SLC44A2: variants seen among roughly 807,000 people sequenced by gnomAD.
SLC44A2 encodes solute carrier family 44 member 2 (CTL2 blood group), also known as choline transporter-like protein 2.
A neutral mutation model predicts 90.8 loss-of-function variants in SLC44A2; 57 were observed. The observed-to-expected ratio is 0.63, with a 90% CI of 0.51 to 0.78. The LOEUF (loss-of-function observed/expected upper bound fraction) is 0.78, where lower values mean the gene tolerates loss of function less well. Ranked by LOEUF, SLC44A2 falls within the 30% of genes least tolerant of loss-of-function variation. The pLI, the probability that SLC44A2 is intolerant of heterozygous loss-of-function variation, is 0.00. For synonymous variants in SLC44A2, 355 were observed against 360.7 expected (o/e 0.98, Z 0.18); for missense variants, 794 against 919.7 (o/e 0.86, Z 1.77).
chr19:10,623,217 C>T (rs544261623), upstream of SLC44A2, among the ~76,000 whole-genome samples: 1 of 152,018 alleles, frequency 6.6e-6, no homozygotes, highest in Non-Finnish European at 1.5e-5. Flanking sequence ...GTCTGGGTCA[C>T]CCCAGGGCAT....
upstream of SLC44A2, among the ~76,000 whole-genome samples, chr19:10,624,501 C>T (rs1949866011): frequency 6.6e-6 from 1 of 152,134 alleles, no homozygotes; most frequent in Admixed American, 6.6e-5. Flanking sequence ...AGGGGTTTCA[C>T]CATGTTGGCC....
chr19:10,602,521 C>G (rs1206289815), exon 1 of SLC44A2: 1 of 1,273,798 alleles, frequency 7.9e-7, no homozygotes. Flanking sequence ...CTCCCCGCCC[C>G]GCCGCGGCCA....
rs116267796 is a variant in SLC44A2, at chr19:10,636,496, C to T, written c.1407C>T (p.Ala469=). 26 of 1,612,688 alleles carry T rather than the reference C, an allele frequency of 1.6e-5. No homozygotes were observed. In the East Asian group the frequency reaches 5.1e-4, roughly 32 times the overall value. ...FVLALGQVTL[A]GAFASYYWAL... is the part of the protein sequence containing the mutation. ...TGGCGCTGGGCCAGGTCACGCTGGC[C>T]GGGGCCTTTGCCTCCTACTACTGGG... The change falls in exon 15 of 22, where the codon GCC becomes GCT. Residue 469 remains alanine, a synonymous_variant. Coordinates refer to ENST00000335757, the MANE Select transcript of SLC44A2 (RefSeq NM_020428.4).
At chr19:10,625,407 C>G (rs1464870181), upstream of SLC44A2, 4 of 1,152,196 alleles carry the variant, frequency 3.5e-6, no homozygotes, top group East Asian at 1.4e-4. Flanking sequence ...TGCGGCCGGC[C>G]GGTGAGTGGC....
upstream of SLC44A2, among the ~76,000 whole-genome samples, chr19:10,624,735 G>A (rs2066916638): frequency 6.6e-6 from 1 of 152,202 alleles, no homozygotes; most frequent in African/African-American, 2.4e-5. Flanking sequence ...AATTCAGGGC[G>A]ACCCAGGAGG....
rs374437361 is a variant in SLC44A2 at position 10,616,557 on chromosome 19, T to C, written c.32-9696T>C. Among the ~76,000 whole-genome samples, 7 of 151,960 alleles carry C rather than the reference T, an allele frequency of 4.6e-5. No homozygotes were observed. The East Asian group carries it at 1.4e-3, about 29-fold the overall frequency. Reference sequence around the variant, plus strand: ...ATTGAGCCACCATGTCCTGTCTCTATTTTCACTTTTATTTTTAGAGACCGG... The same window carrying C: ...ATTGAGCCACCATGTCCTGTCTCTACTTTCACTTTTATTTTTAGAGACCGG... On this transcript the variant is annotated intron_variant, in intron 1 of 21. Transcript: ENST00000407327.
chr19:10,605,594 G>C (rs565892860), intron 1 of SLC44A2, among the ~76,000 whole-genome samples: 2 of 152,118 alleles, frequency 1.3e-5, no homozygotes, highest in Non-Finnish European at 2.9e-5. Flanking sequence ...GGCTGAGGCC[G>C]GAGAATCGCT....
intron 1 of SLC44A2, among the ~76,000 whole-genome samples, chr19:10,618,121 C>G (rs1013499003): frequency 7.2e-5 from 11 of 151,966 alleles, no homozygotes; most frequent in Admixed American, 6.6e-5. Context: ...TCTCCTGCCT[C>G]AAACTCCCGA....
At chr19:10,610,900 A>G (rs976936364) in intron 1 of SLC44A2, among the ~76,000 whole-genome samples, 1 of 151,216 alleles carries the variant, frequency 6.6e-6, no homozygotes, top group African/African-American at 2.4e-5. Flanking sequence ...TCGGCCTCCC[A>G]AAGTGCTGGG....
rs1225483535 is a variant in SLC44A2, at chr19:10,633,369, A to C, written c.823+1213A>C. Among the ~76,000 whole-genome samples, 4 of 150,972 alleles carry C rather than the reference A, an allele frequency of 2.6e-5. No homozygotes were observed. In the South Asian group the frequency reaches 8.4e-4, roughly 32 times the overall value. ...TTTAGTAGAGATGGGGTTTTACCAT[A>C]TTGGCCAGGCTGGTCTCGACTTCCT... On this transcript the variant is annotated intron_variant, in intron 10 of 21. Transcript: ENST00000335757.
intron 2 of SLC44A2, 138 bp from the exon 3 acceptor site, chr19:10,627,584 G>A (rs969221300): frequency 1.1e-5 from 8 of 742,326 alleles, no homozygotes; most frequent in Admixed American, 2.3e-5. Flanking sequence ...AAATGCATGT[G>A]CCCTTTGGTA....
intron 4 of SLC44A2, 38 bp from the exon 5 acceptor site, chr19:10,631,019 A>AT (rs764284933): frequency 6.4e-7 from 1 of 1,552,646 alleles, no homozygotes; most frequent in South Asian, 1.1e-5. Flanking sequence ...AAAAAAAAAA[A>AT]ATCTTAACAG....
Position 10,636,527 on chromosome 19 carries a change from C to T in SLC44A2, c.1438C>T (p.Arg480Cys), listed in dbSNP as rs773295872. 13 of 1,610,184 alleles carry T rather than the reference C, an allele frequency of 8.1e-6. No individual in the cohort carries two copies. The highest frequency in any genetic ancestry group is 4.2e-6 in the Non-Finnish European group (5 of 1,179,684). Residue 480 changes from arginine to cysteine, a missense_variant, in exon 15 of 22, where the codon CGC (arginine) becomes TGC (cysteine). Around this residue, in one of 3 missense-constraint regions of SLC44A2, gnomAD observed 738 missense variants for 841.1 expected, o/e 0.88. Transcript: ENST00000335757. ...CTTTGCCTCCTACTACTGGGCCCTG[C>T]GCAAGCCGGACGACCTGCCGGCCTT... The part of the protein sequence containing the change: ...GAFASYYWAL[R>C]KPDDLPAFPL...
Position 10,637,802 on chromosome 19 carries a change from C to A in SLC44A2, c.1696-54C>A, listed in dbSNP as rs2067074702. ...CGCCAGCTCCTGCTGGGTGAGAGGA[C>A]CACCCCCCATGCCCACCCAGTGGGT... On this transcript the variant is annotated intron_variant, in intron 17 of 21. Transcript: ENST00000335757. The A allele has an allele frequency of 5.6e-6, 9 of 1,612,270 alleles. No individual in the cohort carries two copies. The East Asian group carries it at 1.8e-4, about 32-fold the overall frequency.
At chr19:10,618,543 C>A (rs1376503469) in intron 1 of SLC44A2, among the ~76,000 whole-genome samples, 15 of 118,988 alleles carry the variant, frequency 1.3e-4, no homozygotes, top group East Asian at 5.5e-4. Flanking sequence ...GCAGTGGCGC[C>A]ATCTCGGCTC....
At chr19:10,642,580 T>C (rs1187690469) in intron 21 of SLC44A2, 129 bp downstream of exon 21, 6 of 890,452 alleles carry the variant, frequency 6.7e-6, no homozygotes, top group Non-Finnish European at 9.0e-6. Context: ...CTGTCCCTCG[T>C]CCTGGGTCCC....
chr19:10,639,157 C>T (rs889205087), intron 20 of SLC44A2, among the ~76,000 whole-genome samples: 9 of 152,156 alleles, frequency 5.9e-5, no homozygotes, highest in African/African-American at 2.2e-4. Flanking sequence ...TGGTCTCAAA[C>T]TCCTGACCTC....
intron 1 of SLC44A2, among the ~76,000 whole-genome samples, chr19:10,618,980 TTG>T (rs1491201076): frequency 2.4e-4 from 35 of 146,920 alleles, no homozygotes; most frequent in South Asian, 1.7e-3. Flanking sequence ...TTTTTTTTTT[TTG>T]GATACAGGGT....
chr19:10,638,796 G>C (rs2067086312), intron 20 of SLC44A2, among the ~76,000 whole-genome samples: 1 of 151,034 alleles, frequency 6.6e-6, no homozygotes. Context: ...CACCACACCT[G>C]GCTAACTTTT....
Sources: gnomAD v4.1 joint callset for allele counts (sites outside exome capture counted in the v4.1 genomes callset) on GRCh38, gnomAD v4.1.1 for gene constraint, gnomAD v4.1.1 regional missense constraint, MANE v1.5 for transcripts, NCBI Gene and HGNC (gene_info 2026-07-23, HGNC 2026-07-21) for gene names.